The following CACNA2D2 variants were observed in gnomAD, a reference collection of about 807,000 sequenced individuals.
The protein encoded by CACNA2D2 is voltage-dependent calcium channel subunit alpha-2/delta-2.
CACNA2D2 carries 48 observed loss-of-function variants against 166.4 expected under a neutral mutation model. That is an observed-to-expected ratio of 0.29 (90% CI 0.23 to 0.37). The LOEUF (loss-of-function observed/expected upper bound fraction) is 0.37, where lower values mean the gene tolerates loss of function less well. Ranked by LOEUF, CACNA2D2 falls within the 10% of genes least tolerant of loss-of-function variation. The pLI is 1.00. For missense variants in CACNA2D2, 1,122 were observed against 1,433.0 expected, an observed-to-expected ratio of 0.78 and a Z score of 3.50; for synonymous variants, 561 against 573.7, an observed-to-expected ratio of 0.98 and a Z score of 0.32.
chr3:50,405,628 C>A (rs1049661474), intron 3 of CACNA2D2, among the ~76,000 whole-genome samples: 3 of 152,140 alleles, frequency 2.0e-5, no homozygotes, highest in South Asian at 2.1e-4. Flanking sequence ...GACCTTGGAC[C>A]TGGAGAACTG....
rs1443278343 is a variant in CACNA2D2, at chr3:50,363,024, G to A, written c.*1642C>T. 15 of 397,644 alleles carry A rather than the reference G, an allele frequency of 3.8e-5. No homozygotes were observed. The highest frequency in any genetic ancestry group is 6.6e-5 in the Non-Finnish European group (15 of 225,878). The allele number at this position is 397,644 out of a possible 1,614,324, so 24.6% of individuals were successfully genotyped here. Reference sequence around the variant, plus strand: ...CCCAAGGTGAGGGGCAGCCAGGTCGGGTGGGTAATGAGAAGGATTAGACCC... The same window carrying A: ...CCCAAGGTGAGGGGCAGCCAGGTCGAGTGGGTAATGAGAAGGATTAGACCC... On this transcript the variant is annotated 3_prime_UTR_variant, in exon 38 of 38. Transcript: ENST00000424201.
chr3:50,467,252 C>A (rs926867724), intron 2 of CACNA2D2, among the ~76,000 whole-genome samples: 7 of 152,202 alleles, frequency 4.6e-5, no homozygotes, highest in Non-Finnish European at 1.0e-4. Context: ...GCCCTCCATA[C>A]CCTCACAAAG....
rs13321215 is a variant in CACNA2D2 at position 50,483,786 on chromosome 3, G to A, written c.207-7587C>T. On this transcript the variant is annotated intron_variant, in intron 1 of 37. Transcript: ENST00000424201. ...ACCATTTAGGGATCCATATCTCAAG[G>A]GGTCTGATGGGGGCCCTCCCTGCCT... Among the ~76,000 whole-genome samples the A allele has an allele frequency of 2.8e-3, 428 of 152,306 alleles. 2 individuals carry two copies. The highest frequency in any genetic ancestry group is 9.9e-3 in the African/African-American group (411 of 41,560).
At chr3:50,407,234 T>A (rs994410658) in intron 3 of CACNA2D2, among the ~76,000 whole-genome samples, 1 of 151,826 alleles carries the variant, frequency 6.6e-6, no homozygotes, top group Admixed American at 6.5e-5. Context: ...CAGGCCACTG[T>A]ACCATTAGGG....
chr3:50,431,911 G>A (rs1370772140), intron 3 of CACNA2D2, among the ~76,000 whole-genome samples: 1 of 148,260 alleles, frequency 6.7e-6, no homozygotes, highest in Non-Finnish European at 1.5e-5. Context: ...CTTGAACTCA[G>A]GAGATGGAGG....
In CACNA2D2 at chr3:50,401,430, C is replaced by A. The variant is rs1284419733; in HGVS notation, c.406-7262G>T. On this transcript the variant is annotated intron_variant, in intron 3 of 37. Coordinates refer to ENST00000424201, the MANE Select transcript of CACNA2D2 (RefSeq NM_006030.4). ...CAGTGCCTGCACCCCCTCAGTCCAG[C>A]CTGGAAGGGGCAGGCTGTGCTTCAA... is the stretch of plus-strand genomic sequence containing the variant. Among the ~76,000 whole-genome samples the A allele has an allele frequency of 2.6e-5, 4 of 152,170 alleles. No homozygotes were observed. In the East Asian group the frequency reaches 7.7e-4, roughly 29 times the overall value.
rs587737636 is a variant in CACNA2D2, at chr3:50,375,166, G to T, written c.1908-353C>A. Among the ~76,000 whole-genome samples the T allele has an allele frequency of 2.9e-3, 442 of 152,348 alleles. 6 individuals carry two copies. The highest frequency in any genetic ancestry group is 9.7e-3 in the African/African-American group (402 of 41,574). On this transcript the variant is annotated intron_variant, in intron 21 of 37. Transcript: ENST00000424201. This position sits in a 1 kb window ranked among gnomAD's most constrained non-coding sequence, Gnocchi z 4.0. ...AGCTGGCTGCAATGCCAGTGTTGCC[G>T]TGGGAGTGGGGTCACCAGCCCCCAG...
intron 3 of CACNA2D2, among the ~76,000 whole-genome samples, chr3:50,419,071 A>G (rs962384109): frequency 6.6e-6 from 1 of 151,942 alleles, no homozygotes; most frequent in Non-Finnish European, 1.5e-5. Flanking sequence ...CTCAATCCCT[A>G]TTTCCTGGGC....
rs1704018311 is a variant in CACNA2D2, at chr3:50,363,070, C to A, written c.*1596G>T. On this transcript the variant is annotated 3_prime_UTR_variant, in exon 38 of 38. Coordinates refer to ENST00000424201, the MANE Select transcript of CACNA2D2 (RefSeq NM_006030.4). The stretch of plus-strand genomic sequence containing the variant: ...GACCCAGCTGGGGGTTAGACAGCTA[C>A]CTGATGGGGATTGTTTTGTCTGTTT... 1 of 398,556 alleles carries A rather than the reference C, an allele frequency of 2.5e-6. No homozygotes were observed. The highest frequency in any genetic ancestry group is 4.4e-6 in the Non-Finnish European group (1 of 226,022). The allele number at this position is 398,556 out of a possible 1,614,324, so 24.7% of individuals were successfully genotyped here. A position where few individuals can be genotyped will look rare whatever the true frequency, so the allele number is the denominator to read the frequency against.
intron 2 of CACNA2D2, among the ~76,000 whole-genome samples, chr3:50,443,815 G>C (rs1218272647): frequency 3.3e-5 from 5 of 152,160 alleles, no homozygotes. Context: ...TCAGGACTCA[G>C]GGACAGTGGG....
intron 23 of CACNA2D2, 60 bp downstream of exon 23, chr3:50,370,260 G>A (rs1018788581): frequency 1.7e-6 from 2 of 1,174,028 alleles, no homozygotes; most frequent in Admixed American, 2.0e-5. Context: ...CAGTGCAGGA[G>A]GTGGGGCCGG....
chr3:50,485,942 C>CTCCA (rs1698259718), intron 1 of CACNA2D2, among the ~76,000 whole-genome samples: 1 of 152,174 alleles, frequency 6.6e-6, no homozygotes, highest in Admixed American at 6.5e-5. Flanking sequence ...ATCCAGGGTT[C>CTCCA]TCCAGGAAGC....
chr3:50,410,488 G>GGGGC (rs1706956675), intron 3 of CACNA2D2, among the ~76,000 whole-genome samples: 1 of 152,030 alleles, frequency 6.6e-6, no homozygotes, highest in African/African-American at 2.4e-5. Context: ...GATGGGGGGG[G>GGGGC]GGGTGTTGTC....
At chr3:50,397,268 G>A (rs1010998951) in intron 3 of CACNA2D2, among the ~76,000 whole-genome samples, 103 of 152,302 alleles carry the variant, frequency 6.8e-4, no homozygotes, top group African/African-American at 2.3e-3. Flanking sequence ...CCTCAGTAAC[G>A]ATCAAGCCAT....
chr3:50,369,361 C>A (rs587627781), intron 23 of CACNA2D2, among the ~76,000 whole-genome samples: 48 of 152,356 alleles, frequency 3.2e-4, no homozygotes, highest in African/African-American at 1.0e-3. Flanking sequence ...AGAGAGCTTC[C>A]TCAGGGTCAT....
In CACNA2D2 at chr3:50,366,532, G is replaced by A; in HGVS notation, c.2637+46C>T. ...GTCGCGGCTGGGACTAGGAAGTCTG[G>A]AAGTGGGGTAAGCTAGGGTCCAGGG... On this transcript the variant is annotated intron_variant, in intron 30 of 37. Transcript: ENST00000424201. The surrounding 1 kb of genome is among the most constrained non-coding windows in gnomAD (Gnocchi z 5.9). The A allele has an allele frequency of 8.7e-6, 14 of 1,604,106 alleles. No homozygotes were observed. Among genetic ancestry groups the A allele is most frequent in the Non-Finnish European group, 1.1e-5 (13 of 1,170,908 alleles).
rs984337657 is a variant in CACNA2D2 at position 50,366,131 on chromosome 3, G to C, written c.2742C>G (p.Asn914Lys). Residue 914 changes from asparagine (N) to lysine (K), a missense_variant, in exon 32 of 38, where the codon AAC (asparagine) becomes AAG (lysine). This residue lies in a region of CACNA2D2 where 840 missense variants were observed against 1,166.8 expected (regional missense o/e 0.72). Coordinates refer to ENST00000424201, the MANE Select transcript of CACNA2D2 (RefSeq NM_006030.4). This position sits in a 1 kb window ranked among gnomAD's most constrained non-coding sequence, Gnocchi z 5.9. ...VGRFFSEVDA[N>K]LMLALYNNSF... ...AGTTATTGTAGAGTGCCAGCATCAG[G>C]TTGGCATCCACCTCACTGAAGAACC... 6.2e-7 allele frequency: 1 copy of C among 1,614,038 alleles called. No individual in the cohort carries two copies. Among genetic ancestry groups the C allele is most frequent in the East Asian group, 2.2e-5 (1 of 44,888 alleles).
chr3:50,362,847 A>AACC lies in CACNA2D2; in HGVS notation c.*1816_*1818dup. ...ATTTAATAACTGATCTTCTGTAATA[A>AACC]ACCATTTGAAAATATTTTACAAGGA... On this transcript the variant is annotated 3_prime_UTR_variant, in exon 38 of 38. Transcript: ENST00000424201. 1 of 330,694 alleles carries AACC rather than the reference A, an allele frequency of 3.0e-6. No homozygotes were observed. Among genetic ancestry groups the AACC allele is most frequent in the Non-Finnish European group, 5.4e-6 (1 of 185,082 alleles). The allele number at this position is 330,694 out of a possible 1,614,324, so 20.5% of individuals were successfully genotyped here. A position where few individuals can be genotyped will look rare whatever the true frequency, so the allele number is the denominator to read the frequency against.
At chr3:50,488,889 A>C (rs1325421236) in intron 1 of CACNA2D2, among the ~76,000 whole-genome samples, 2 of 151,876 alleles carry the variant, frequency 1.3e-5, no homozygotes, top group Admixed American at 6.6e-5. Flanking sequence ...TTTAGTAGAG[A>C]TGGGGTTTCA....
Sources: allele counts gnomAD v4.1 joint callset (sites outside exome capture counted in the v4.1 genomes callset), GRCh38; gene constraint gnomAD v4.1.1; regional missense constraint gnomAD v4.1.1; non-coding constraint Gnocchi (gnomAD v3.1); transcripts MANE v1.5; gene names NCBI Gene and HGNC (gene_info 2026-07-23, HGNC 2026-07-21).